VIPR2: variants seen among roughly 807,000 people sequenced by gnomAD.
The protein encoded by VIPR2 is vasoactive intestinal peptide receptor 2.
A neutral mutation model predicts 58.0 loss-of-function variants in VIPR2; 48 were observed. The observed-to-expected ratio is 0.83, with a 90% CI of 0.66 to 1.05. VIPR2 has a LOEUF of 1.05. Among genes scored for constraint, VIPR2 ranks in the 50% least tolerant of loss-of-function variants. The pLI is 0.00. For synonymous variants in VIPR2, 243 were observed against 235.2 expected (o/e 1.03, Z -0.30); for missense variants, 534 against 558.0 (o/e 0.96, Z 0.43).
Position 159,031,943 on chromosome 7 carries a change from A to T in VIPR2, c.1096T>A (p.Phe366Ile). The T allele has an allele frequency of 6.2e-7, 1 of 1,614,174 alleles. No homozygotes were observed. Among genetic ancestry groups the T allele is most frequent in the Non-Finnish European group, 8.5e-7 (1 of 1,180,038 alleles). Residue 366 changes from phenylalanine (F) to isoleucine (I), a missense_variant, in exon 11 of 13, where the codon TTC (phenylalanine) becomes ATC (isoleucine). Phe to Ile is a conservative substitution (Grantham distance 21). This residue lies in a region of VIPR2 where 306 missense variants were observed against 285.8 expected (regional missense o/e 1.07). Transcript: ENST00000262178. This position sits in a 1 kb window ranked among gnomAD's most constrained non-coding sequence, Gnocchi z 4.0. The part of the protein sequence containing the change: ...QILFELCLGS[F>I]QGLVVAVLYC... ...GGCCGCCTCCGCACACCTACCTGGA[A>T]CGACCCGAGGCACAGCTCAAACAGT...
intron 2 of VIPR2, among the ~76,000 whole-genome samples, chr7:159,112,995 C>T (rs1424015026): frequency 6.6e-6 from 1 of 152,210 alleles, no homozygotes; most frequent in Non-Finnish European, 1.5e-5. Context: ...TGCCTGGGGC[C>T]AGACCCCAGC....
intron 2 of VIPR2, among the ~76,000 whole-genome samples, chr7:159,112,955 C>T (rs1230060315): frequency 1.3e-5 from 2 of 152,124 alleles, no homozygotes; most frequent in African/African-American, 2.4e-5. Context: ...CCGAGGACCC[C>T]GACTGTGTGA....
Position 159,031,531 on chromosome 7 carries a change from A to T in VIPR2, c.1143+297T>A. The T allele has an allele frequency of 2.0e-6, 2 of 985,388 alleles. No individual in the cohort carries two copies. Among genetic ancestry groups the T allele is most frequent in the Non-Finnish European group, 2.4e-6 (2 of 829,916 alleles). 61.0% of individuals were successfully genotyped at this position (985,388 alleles called of 1,614,324 possible). A position where few individuals can be genotyped will look rare whatever the true frequency, so the allele number is the denominator to read the frequency against. ...GGAGCGAGACGCCGACCATGGGGAA[A>T]AACAGATTCTGTCTAGACCCGGCCG... is the stretch of plus-strand genomic sequence containing the variant. On this transcript the variant is annotated intron_variant, in intron 12 of 12. Transcript: ENST00000262178. This position sits in a 1 kb window ranked among gnomAD's most constrained non-coding sequence, Gnocchi z 4.0.
rs781754158 is a variant in VIPR2, at chr7:159,096,798, C to T, written c.357+6959G>A. 32 of 1,431,444 alleles carry T rather than the reference C, an allele frequency of 2.2e-5. No homozygotes were observed. The highest frequency in any genetic ancestry group is 1.1e-4 in the South Asian group (7 of 65,378). 88.7% of individuals were successfully genotyped at this position (1,431,444 alleles called of 1,614,324 possible). ...TGCCTGAGGTCAGTCTCGTGGCCCC[C>T]GCAGCAGCCACAGGCCCAGCTCTTG... On this transcript the variant is annotated intron_variant, in intron 4 of 12. Coordinates refer to ENST00000262178, the MANE Select transcript of VIPR2 (RefSeq NM_003382.5). The surrounding 1 kb of genome is among the most constrained non-coding windows in gnomAD (Gnocchi z 5.5).
At chr7:159,090,063 C>T (rs146802751) in intron 4 of VIPR2, among the ~76,000 whole-genome samples, 1,315 of 117,208 alleles carry the variant, frequency 0.011, 12 homozygotes, top group South Asian at 0.017. Context: ...GTGACCTCAG[C>T]ACAGACACGC....
chr7:159,142,325 G>T, intron 2 of VIPR2, 121 bp downstream of exon 2: 1 of 707,334 alleles, frequency 1.4e-6, no homozygotes, highest in Non-Finnish European at 2.4e-6. Flanking sequence ...ATGGGAAGTG[G>T]CCTTTCTTTT....
At chr7:159,134,332 A>C (rs1440156549) in intron 2 of VIPR2, among the ~76,000 whole-genome samples, 1 of 152,256 alleles carries the variant, frequency 6.6e-6, no homozygotes, top group Non-Finnish European at 1.5e-5. Flanking sequence ...CTGGAAATAA[A>C]GATGAAAGCA....
chr7:159,103,987 GC>G, intron 3 of VIPR2, 133 bp from the exon 4 acceptor site: 1 of 747,598 alleles, frequency 1.3e-6, no homozygotes, highest in Non-Finnish European at 2.2e-6. Context: ...AGACAGGACT[GC>G]CACTCAAAAA....
intron 9 of VIPR2, 100 bp from the exon 10 acceptor site, chr7:159,034,404 T>TCC (rs1441977988): frequency 6.7e-6 from 9 of 1,346,168 alleles, no homozygotes; most frequent in Non-Finnish European, 9.4e-6. Flanking sequence ...CCTCAGTCCC[T>TCC]CCCTCCTTCC....
intron 3 of VIPR2, among the ~76,000 whole-genome samples, chr7:159,106,493 GGGAGGGGCAGAGAGAGGCCAA>G (rs1189508206): frequency 1.4e-3 from 214 of 148,892 alleles, no homozygotes; most frequent in African/African-American, 4.5e-3. Context: ...AGAGAGGCCG[GGGAGGGGCAGAGAGAGGCCAA>G]GGAGGGGCAG....
At chr7:159,035,616 G>A (rs1853890391) in intron 8 of VIPR2, 1 of 914,804 alleles carries the variant, frequency 1.1e-6, no homozygotes, top group African/African-American at 1.8e-5. Flanking sequence ...CTTCCACTTT[G>A]CTCCGGGTAA....
At chr7:159,107,815 C>T (rs1795819749) in intron 3 of VIPR2, among the ~76,000 whole-genome samples, 1 of 152,206 alleles carries the variant, frequency 6.6e-6, no homozygotes, top group African/African-American at 2.4e-5. Flanking sequence ...GGCCCAGGGT[C>T]CCGCCTGGCA....
intron 4 of VIPR2, among the ~76,000 whole-genome samples, chr7:159,082,960 A>G (rs980134053): frequency 3.3e-5 from 5 of 152,230 alleles, no homozygotes; most frequent in Non-Finnish European, 5.9e-5. Flanking sequence ...GCTAACCATC[A>G]TCCTCATGTA....
intron 5 of VIPR2, among the ~76,000 whole-genome samples, chr7:159,045,520 T>G (rs1321337304): frequency 1.3e-5 from 2 of 152,136 alleles, no homozygotes; most frequent in Non-Finnish European, 2.9e-5. Flanking sequence ...CAACTAGATG[T>G]CCATATGTAA....
chr7:159,036,827 G>GC lies in VIPR2; in HGVS notation c.672dup (p.Leu225AlafsTer14). The GC allele has an allele frequency of 6.2e-7, 1 of 1,613,952 alleles. No individual in the cohort carries two copies. The highest frequency in any genetic ancestry group is 8.5e-7 in the Non-Finnish European group (1 of 1,179,970). ...GCCACCAGGAGGGTGTGGAGGTAGAGCCCCTCCACCAGCAGCCAGAAGAAG... is the reference window on the plus strand; with the variant it reads ...GCCACCAGGAGGGTGTGGAGGTAGAGCCCCCTCCACCAGCAGCCAGAAGAAG... On this transcript the variant is annotated frameshift_variant, in exon 7 of 13. Transcript: ENST00000262178. LOFTEE classifies it high-confidence loss of function.
intron 2 of VIPR2, among the ~76,000 whole-genome samples, chr7:159,126,555 G>A (rs998949223): frequency 9.2e-5 from 14 of 152,200 alleles, no homozygotes; most frequent in African/African-American, 3.4e-4. Context: ...TGGAATGCAC[G>A]GAGTACAGAA....
chr7:159,130,112 A>G (rs1474861506), intron 2 of VIPR2, among the ~76,000 whole-genome samples: 1 of 152,252 alleles, frequency 6.6e-6, no homozygotes. Flanking sequence ...CACAAAAATT[A>G]TAACAGTGAG....
chr7:159,135,856 G>C (rs111892255), intron 2 of VIPR2, among the ~76,000 whole-genome samples: 1 of 152,112 alleles, frequency 6.6e-6, no homozygotes, highest in Admixed American at 6.5e-5. Flanking sequence ...ATCAGCCAAC[G>C]CATCAGCAAA....
intron 2 of VIPR2, among the ~76,000 whole-genome samples, chr7:159,141,324 G>A (rs780546496): frequency 6.6e-6 from 1 of 152,250 alleles, no homozygotes; most frequent in Non-Finnish European, 1.5e-5. Flanking sequence ...CCGCGGAATC[G>A]CAGATCTTTA....
Sources: gnomAD v4.1 joint callset for allele counts (sites outside exome capture counted in the v4.1 genomes callset) on GRCh38, gnomAD v4.1.1 for gene constraint, gnomAD v4.1.1 regional missense constraint, Gnocchi (gnomAD v3.1) non-coding constraint, MANE v1.5 for transcripts, NCBI Gene and HGNC (gene_info 2026-07-23, HGNC 2026-07-21) for gene names.